Variants in CAMTA1 observed in about 807,000 individuals in gnomAD.
CAMTA1 encodes the protein calmodulin-binding transcription activator 1.
A neutral mutation model predicts 170.9 loss-of-function variants in CAMTA1; 27 were observed. The observed-to-expected ratio is 0.16, with a 90% CI of 0.12 to 0.22. CAMTA1 has a LOEUF of 0.22. Ranked by LOEUF, CAMTA1 falls within the 10% of genes least tolerant of loss-of-function variation. CAMTA1 has a pLI of 1.00. For synonymous variants in CAMTA1, 833 were observed against 891.5 expected, an observed-to-expected ratio of 0.93 and a Z score of 1.17; for missense variants, 1,619 against 2,217.2, an observed-to-expected ratio of 0.73 and a Z score of 5.42.
chr1:7,314,574 T>C (rs1440169315), intron 5 of CAMTA1, among the ~76,000 whole-genome samples: 1 of 152,190 alleles, frequency 6.6e-6, no homozygotes, highest in Non-Finnish European at 1.5e-5. Context: ...AAATGATGGT[T>C]CCCAATAATT....
At chr1:7,037,981 G>A (rs1396540149) in intron 3 of CAMTA1, among the ~76,000 whole-genome samples, 2 of 149,266 alleles carry the variant, frequency 1.3e-5, no homozygotes, top group Non-Finnish European at 3.0e-5. Flanking sequence ...GAGTGAAATT[G>A]CTATTTTCCA....
Position 6,917,845 on chromosome 1 carries a change from CGG to C in CAMTA1, c.234+92639_234+92640del, listed in dbSNP as rs200173716. On this transcript the variant is annotated intron_variant, in intron 3 of 22. Transcript: ENST00000303635. ...GGGGAAGGGCAGAAGCAAAACCCAT[CGG>C]GGGCGGGGGGGGACATCTACATGCC... Among the ~76,000 whole-genome samples, 98 of 54,346 alleles carry C rather than the reference CGG, an allele frequency of 1.8e-3. 1 individual carries two copies. The highest frequency in any genetic ancestry group is 1.0e-2 in the Admixed American group (33 of 3,312). 35.7% of individuals were successfully genotyped at this position (54,346 alleles called of 152,430 possible). A position where few individuals can be genotyped will look rare whatever the true frequency, so the allele number is the denominator to read the frequency against.
chr1:7,492,644 C>G (rs2093726430), intron 6 of CAMTA1, among the ~76,000 whole-genome samples: 1 of 141,494 alleles, frequency 7.1e-6, no homozygotes, highest in Admixed American at 7.1e-5. Flanking sequence ...CAAACACATA[C>G]AATCACACAA....
intron 5 of CAMTA1, among the ~76,000 whole-genome samples, chr1:7,290,802 A>G (rs1418018589): frequency 6.6e-6 from 1 of 152,118 alleles, no homozygotes; most frequent in East Asian, 1.9e-4. Context: ...GAAACTCCCA[A>G]TGAATAGAAA....
intron 3 of CAMTA1, among the ~76,000 whole-genome samples, chr1:6,951,164 T>C (rs1242006240): frequency 3.9e-5 from 6 of 152,166 alleles, no homozygotes; most frequent in African/African-American, 1.4e-4. Context: ...CACTTTTTTA[T>C]GGGGTCCAGT....
intron 4 of CAMTA1, among the ~76,000 whole-genome samples, chr1:7,157,505 C>T (rs756871258): frequency 4.6e-5 from 7 of 151,924 alleles, no homozygotes; most frequent in Non-Finnish European, 8.8e-5. Flanking sequence ...AGATATAACA[C>T]ACCCACCCTA....
intron 5 of CAMTA1, among the ~76,000 whole-genome samples, chr1:7,394,872 C>CTTTTTT (rs71582098): frequency 2.4e-5 from 2 of 82,634 alleles, no homozygotes; most frequent in East Asian, 2.5e-4. Context: ...TGTGGTGTTT[C>CTTTTTT]TTTTTTTTTC....
intron 6 of CAMTA1, among the ~76,000 whole-genome samples, chr1:7,576,694 G>A (rs1302499060): frequency 6.6e-6 from 1 of 152,190 alleles, no homozygotes; most frequent in East Asian, 1.9e-4. Flanking sequence ...CATGTGAGGT[G>A]CAGAATGGAT....
intron 5 of CAMTA1, among the ~76,000 whole-genome samples, chr1:7,373,305 G>T (rs1574982341): frequency 6.6e-6 from 1 of 152,238 alleles, no homozygotes; most frequent in Non-Finnish European, 1.5e-5. Flanking sequence ...AGCTGCCAAA[G>T]CTCCAGCATA....
rs1277333239 is a variant in CAMTA1 at position 7,668,427 on chromosome 1, ACACACC to A, written c.2653-2480_2653-2475del. Among the ~76,000 whole-genome samples, 1,236 of 132,360 alleles carry A rather than the reference ACACACC, an allele frequency of 9.3e-3. 26 individuals carry two copies. The East Asian group carries it at 0.13, about 14-fold the overall frequency. 86.8% of individuals were successfully genotyped at this position (132,360 alleles called of 152,430 possible). Reference sequence around the variant, plus strand: ...CACACACACACACACACACACACACACACACCCACCACACACCCCAGAGGCGTCCCC... The same window carrying A: ...CACACACACACACACACACACACACACACCACACACCCCAGAGGCGTCCCC... On this transcript the variant is annotated intron_variant, in intron 9 of 22. Coordinates refer to ENST00000303635, the MANE Select transcript of CAMTA1 (RefSeq NM_015215.4).
intron 3 of CAMTA1, among the ~76,000 whole-genome samples, chr1:6,997,814 C>G (rs1697552852): frequency 6.6e-6 from 1 of 151,598 alleles, no homozygotes; most frequent in Non-Finnish European, 1.5e-5. Context: ...GCGTGCACCA[C>G]CACGCCTGGC....
In CAMTA1 at chr1:7,733,032, GA is replaced by G. The variant is rs111993061; in HGVS notation, c.3066+443del. Among the ~76,000 whole-genome samples, 135 of 150,906 alleles carry G rather than the reference GA, an allele frequency of 8.9e-4. 1 individual carries two copies. The Middle Eastern group carries it at 0.01, about 11-fold the overall frequency. ...AACATACTGAGACCCTGTCTCTATAGAAAAAAAAAATTTTTTTTAATTAGCC... is the reference window on the plus strand; with the variant it reads ...AACATACTGAGACCCTGTCTCTATAGAAAAAAAAATTTTTTTTAATTAGCC... On this transcript the variant is annotated intron_variant, in intron 12 of 22. Transcript: ENST00000303635.
At chr1:7,425,845 T>C (rs1209565096) in intron 5 of CAMTA1, among the ~76,000 whole-genome samples, 1 of 152,204 alleles carries the variant, frequency 6.6e-6, no homozygotes, top group African/African-American at 2.4e-5. Flanking sequence ...GGTCTCACTC[T>C]GTAGCCAGAG....
At chr1:7,388,020 G>A (rs2088210039) in intron 5 of CAMTA1, among the ~76,000 whole-genome samples, 1 of 152,174 alleles carries the variant, frequency 6.6e-6, no homozygotes, top group South Asian at 2.1e-4. Context: ...AGTCAGAGAT[G>A]GGCTTTCTTT....
intron 1 of CAMTA1, among the ~76,000 whole-genome samples, chr1:6,790,123 C>G (rs1640640806): frequency 6.6e-6 from 1 of 152,110 alleles, no homozygotes; most frequent in Non-Finnish European, 1.5e-5. Flanking sequence ...GCTGCCACGC[C>G]TGGCCTTCGG....
intron 5 of CAMTA1, among the ~76,000 whole-genome samples, chr1:7,460,318 G>A (rs2093053026): frequency 6.6e-6 from 1 of 152,172 alleles, no homozygotes; most frequent in Non-Finnish European, 1.5e-5. Flanking sequence ...AATGAAAAGG[G>A]GACACTTCAT....
At chr1:6,962,504 CCGTTT>C (rs1690628608) in intron 3 of CAMTA1, among the ~76,000 whole-genome samples, 1 of 151,586 alleles carries the variant, frequency 6.6e-6, no homozygotes, top group African/African-American at 2.4e-5. Context: ...AGAACCTATC[CCGTTT>C]CCTTTATGGA....
intron 5 of CAMTA1, among the ~76,000 whole-genome samples, chr1:7,260,630 G>C (rs1341673443): frequency 6.6e-6 from 1 of 152,222 alleles, no homozygotes; most frequent in Non-Finnish European, 1.5e-5. Context: ...TGGGTTAAAG[G>C]ATTGGGGTGT....
In CAMTA1 at chr1:7,501,541, C is replaced by A. The variant is rs374459709; in HGVS notation, c.510+33640C>A. Among the ~76,000 whole-genome samples the A allele has an allele frequency of 1.6e-4, 25 of 151,758 alleles. 1 individual carries two copies. Among genetic ancestry groups the A allele is most frequent in the East Asian group, 7.7e-4 (4 of 5,162 alleles). On this transcript the variant is annotated intron_variant, in intron 6 of 22. Coordinates refer to ENST00000303635, the MANE Select transcript of CAMTA1 (RefSeq NM_015215.4). ...CTGTCAACCCTGGAGGCCCTGGAGG[C>A]TGGGGTGCAGGCTTACCAAATTTAG...
Sources: allele counts gnomAD v4.1 joint callset (sites outside exome capture counted in the v4.1 genomes callset), GRCh38; gene constraint gnomAD v4.1.1; transcripts MANE v1.5; gene names NCBI Gene and HGNC (gene_info 2026-07-23, HGNC 2026-07-21).